The following FAM241B variants were observed in gnomAD, a reference collection of about 807,000 sequenced individuals.
FAM241B encodes protein FAM241B.
In FAM241B, 7 loss-of-function variants were observed where a neutral mutation model predicts 9.3. That is an observed-to-expected ratio of 0.75 (90% CI 0.43 to 1.41). The LOEUF (loss-of-function observed/expected upper bound fraction) is 1.41. Ranked by LOEUF, FAM241B falls within the 40% of genes most tolerant of loss-of-function variation. The pLI is 0.01. For missense variants in FAM241B, 136 were observed against 159.6 expected (o/e 0.85, Z 0.80); for synonymous variants, 60 against 64.1 (o/e 0.94, Z 0.31).
At chr10:69,630,421 C>T (rs1839796883) in intron 1 of FAM241B, 108 bp downstream of exon 1, 1 of 159,690 alleles carries the variant, frequency 6.3e-6, no homozygotes, top group Non-Finnish European at 1.4e-5. Context: ...GGGCAGCGTC[C>T]CTCCCGCCCC....
intron 3 of FAM241B, 38 bp downstream of exon 3, chr10:69,631,877 T>C (rs749377169): frequency 6.3e-7 from 1 of 1,582,426 alleles, no homozygotes; most frequent in South Asian, 1.2e-5. Context: ...ACAGATGGCC[T>C]CCTGTGTACT....
At chr10:69,631,395 G>A (rs751280636) in intron 1 of FAM241B, 85 bp from the exon 2 acceptor site, 3 of 1,145,722 alleles carry the variant, frequency 2.6e-6, no homozygotes, top group Non-Finnish European at 3.6e-6. Context: ...GGATCTTTTT[G>A]ATAGTTTTCC....
chr10:69,631,868 C>T, intron 3 of FAM241B, 29 bp downstream of exon 3: 1 of 1,589,158 alleles, frequency 6.3e-7, no homozygotes, highest in Non-Finnish European at 8.6e-7. Flanking sequence ...TGGAGTGGGA[C>T]AGATGGCCTC....
rs1839864246 is a variant in FAM241B, at chr10:69,633,317, G to C, written c.*258G>C. 1.8e-6 allele frequency: 1 copy of C among 543,274 alleles called. No homozygotes were observed. The highest frequency in any genetic ancestry group is 3.3e-6 in the Non-Finnish European group (1 of 305,658). 33.7% of individuals were successfully genotyped at this position (543,274 alleles called of 1,614,324 possible). A position where few individuals can be genotyped will look rare whatever the true frequency, so the allele number is the denominator to read the frequency against. On this transcript the variant is annotated 3_prime_UTR_variant, in exon 4 of 4. Transcript: ENST00000373279. ...GCCTGCATTAAGTGGCACAAAATCA[G>C]AGCAAGAAAGCGATGCCCTTCCCAA...
chr10:69,632,695 C>G (rs879061782), intron 3 of FAM241B, 95 bp from the exon 4 acceptor site: 1 of 1,412,430 alleles, frequency 7.1e-7, no homozygotes, highest in East Asian at 2.3e-5. Flanking sequence ...CCCTGGGTGG[C>G]TGTAGGAAGG....
Position 69,631,494 on chromosome 10 carries a change from C to T in FAM241B, c.-89C>T, listed in dbSNP as rs1295843766. 2 of 1,529,858 alleles carry T rather than the reference C, an allele frequency of 1.3e-6. No individual in the cohort carries two copies. Among genetic ancestry groups the T allele is most frequent in the Non-Finnish European group, 8.8e-7 (1 of 1,133,534 alleles). 94.8% of individuals were successfully genotyped at this position (1,529,858 alleles called of 1,614,324 possible). ...TTGTTAATCAGACACAGCATCTACT[C>T]AGCGTGGGTCACCTCTGTGAACATC... On this transcript the variant is annotated 5_prime_UTR_variant, in exon 2 of 4. Coordinates refer to ENST00000373279, the MANE Select transcript of FAM241B (RefSeq NM_145306.3).
chr10:69,631,446 A>G (rs761690452), intron 1 of FAM241B, 34 bp from the exon 2 acceptor site: 55 of 1,448,774 alleles, frequency 3.8e-5, no homozygotes, highest in Non-Finnish European at 4.8e-5. Flanking sequence ...CTGGCAAACA[A>G]CTTGCCTTTA....
chr10:69,632,910 A>C lies in FAM241B; in HGVS notation c.217A>C (p.Asn73His), dbSNP rs374857376. The C allele has an allele frequency of 5.6e-6, 9 of 1,614,182 alleles. No individual in the cohort carries two copies. The South Asian group carries it at 9.9e-5, about 18-fold the overall frequency. The change falls in exon 4 of 4, where the codon AAC becomes CAC. Residue 73 changes from asparagine to histidine, a missense_variant. By Grantham distance (68) the Asn-to-His change is moderately conservative. Transcript: ENST00000373279. ...CAATGACCTCAACCGGCAGCTGGTG[A>C]ACATGGGCTTTCCGCAGTGGCATCT... ...PFNDLNRQLV[N>H]MGFPQWHLGN...
chr10:69,633,079 G>C lies in FAM241B; in HGVS notation c.*20G>C, dbSNP rs762295272. On this transcript the variant is annotated 3_prime_UTR_variant, in exon 4 of 4. Coordinates refer to ENST00000373279, the MANE Select transcript of FAM241B (RefSeq NM_145306.3). ...CGGTGACCTCTGAGGGCTGATAGGG[G>C]TGGGTTTGTTGAGAGGGACTTGCTG... 1.2e-6 allele frequency: 2 copies of C among 1,613,278 alleles called. No individual in the cohort carries two copies. Among genetic ancestry groups the C allele is most frequent in the African/African-American group, 1.3e-5 (1 of 75,050 alleles).
intron 3 of FAM241B, 59 bp from the exon 4 acceptor site, chr10:69,632,731 T>G: frequency 2.5e-6 from 4 of 1,568,716 alleles, no homozygotes; most frequent in Non-Finnish European, 3.5e-6. Context: ...GAGAGGTTGA[T>G]TCCTGGCTGG....
At chr10:69,631,091 G>A in intron 1 of FAM241B, among the ~76,000 whole-genome samples, 1 of 152,192 alleles carries the variant, frequency 6.6e-6, no homozygotes, top group East Asian at 1.9e-4. Context: ...TGGGGATGCT[G>A]GTGCCCTGGA....
Position 69,633,289 on chromosome 10 carries a change from G to C in FAM241B, c.*230G>C. ...TTCCCAAGATACTTTTAGGTGGTAT[G>C]GGGCCTGCATTAAGTGGCACAAAAT... On this transcript the variant is annotated 3_prime_UTR_variant, in exon 4 of 4. Coordinates refer to ENST00000373279, the MANE Select transcript of FAM241B (RefSeq NM_145306.3). 1.6e-6 allele frequency: 1 copy of C among 611,444 alleles called. No homozygotes were observed. Among genetic ancestry groups the C allele is most frequent in the Non-Finnish European group, 2.8e-6 (1 of 352,650 alleles). The allele number at this position is 611,444 out of a possible 1,614,324, so 37.9% of individuals were successfully genotyped here.
chr10:69,633,282 G>T lies in FAM241B; in HGVS notation c.*223G>T. ...CCGTTGGTTCCCAAGATACTTTTAG[G>T]TGGTATGGGGCCTGCATTAAGTGGC... On this transcript the variant is annotated 3_prime_UTR_variant, in exon 4 of 4. Coordinates refer to ENST00000373279, the MANE Select transcript of FAM241B (RefSeq NM_145306.3). 1.6e-6 allele frequency: 1 copy of T among 626,404 alleles called. No homozygotes were observed. The highest frequency in any genetic ancestry group is 2.8e-5 in the East Asian group (1 of 35,576). 38.8% of individuals were successfully genotyped at this position (626,404 alleles called of 1,614,324 possible). A position where few individuals can be genotyped will look rare whatever the true frequency, so the allele number is the denominator to read the frequency against.
In FAM241B at chr10:69,631,424, A is replaced by C. The variant is rs1839816966; in HGVS notation, c.-103-56A>C. 2.2e-6 allele frequency: 3 copies of C among 1,364,718 alleles called. No individual in the cohort carries two copies. In the South Asian group the frequency reaches 3.7e-5, roughly 17 times the overall value. 84.5% of individuals were successfully genotyped at this position (1,364,718 alleles called of 1,614,324 possible). ...GTTTTCCTGGTGGACTCAATGTCTG[A>C]AATCTTTTTGCCTGGCAAACAACTT... On this transcript the variant is annotated intron_variant, in intron 1 of 3. Coordinates refer to ENST00000373279, the MANE Select transcript of FAM241B (RefSeq NM_145306.3).
chr10:69,632,000 G>T (rs1217330310), intron 3 of FAM241B, among the ~76,000 whole-genome samples, 161 bp downstream of exon 3: 8 of 150,982 alleles, frequency 5.3e-5, no homozygotes, highest in Non-Finnish European at 7.4e-5. Flanking sequence ...TACCTCCCCA[G>T]ATCTCCTTTC....
Position 69,632,923 on chromosome 10 carries a change from C to G in FAM241B, c.230C>G (p.Pro77Arg). 2 of 1,614,208 alleles carry G rather than the reference C, an allele frequency of 1.2e-6. No homozygotes were observed. Residue 77 changes from proline to arginine, a missense_variant, in exon 4 of 4, where the codon CCG becomes CGG. Pro to Arg is a moderately radical substitution (Grantham distance 103). Transcript: ENST00000373279. ...CGGCAGCTGGTGAACATGGGCTTTC[C>G]GCAGTGGCATCTTGGCAACCATGCT... ...LNRQLVNMGF[P>R]QWHLGNHAVE...
At chr10:69,630,732 GC>G in intron 1 of FAM241B, 1 of 1,218,824 alleles carries the variant, frequency 8.2e-7, no homozygotes, top group Admixed American at 2.9e-5. Flanking sequence ...GCGTGGAGGG[GC>G]CCCGCAGTCC....
At chr10:69,631,422 T>C in intron 1 of FAM241B, 58 bp from the exon 2 acceptor site, 1 of 1,353,550 alleles carries the variant, frequency 7.4e-7, no homozygotes, top group Admixed American at 2.2e-5. Flanking sequence ...ACTCAATGTC[T>C]GAAATCTTTT....
chr10:69,633,352 T>A lies in FAM241B; in HGVS notation c.*293T>A. On this transcript the variant is annotated 3_prime_UTR_variant, in exon 4 of 4. Coordinates refer to ENST00000373279, the MANE Select transcript of FAM241B (RefSeq NM_145306.3). ...GCGATGCCCTTCCCAATTCTCTCAA[T>A]CCTTTTATGCCGAGAAGATCTCAGC... The A allele has an allele frequency of 1.1e-5, 5 of 463,090 alleles. No individual in the cohort carries two copies. The South Asian group carries it at 1.3e-4, about 12-fold the overall frequency. 28.7% of individuals were successfully genotyped at this position (463,090 alleles called of 1,614,324 possible).
Sources: gnomAD v4.1 joint callset for allele counts (sites outside exome capture counted in the v4.1 genomes callset) on GRCh38, gnomAD v4.1.1 for gene constraint, MANE v1.5 for transcripts, NCBI Gene and HGNC (gene_info 2026-07-23, HGNC 2026-07-21) for gene names.